SDK1: variants seen among roughly 807,000 people sequenced by gnomAD.
The protein encoded by SDK1 is sidekick cell adhesion molecule 1, also known as protein sidekick-1.
In SDK1, 157 loss-of-function variants were observed where a neutral mutation model predicts 245.5. That is an observed-to-expected ratio of 0.64 (90% confidence interval 0.56 to 0.73). The LOEUF is 0.73. Among genes scored for constraint, SDK1 ranks in the 30% least tolerant of loss-of-function variants. The probability of loss-of-function intolerance (pLI) is 0.00; values close to 1 mark genes in which losing one functional copy is unlikely to be tolerated. For missense variants in SDK1, 3,583 were observed against 3,002.3 expected, an observed-to-expected ratio of 1.19 and a Z score of -4.52; for synonymous variants, 1,647 against 1,278.5, an observed-to-expected ratio of 1.29 and a Z score of -6.15.
chr7:3,377,682 T>C (rs2128565919), intron 1 of SDK1, among the ~76,000 whole-genome samples: 1 of 152,198 alleles, frequency 6.6e-6, no homozygotes, highest in African/African-American at 2.4e-5. Flanking sequence ...CCATGTTGGG[T>C]TCCTTTTTCA....
At chr7:3,431,729 T>G (rs1281853587) in intron 1 of SDK1, among the ~76,000 whole-genome samples, 1 of 152,186 alleles carries the variant, frequency 6.6e-6, no homozygotes, top group Non-Finnish European at 1.5e-5. Context: ...TTGCAATGAC[T>G]AGTTTTGTGA....
chr7:4,264,281 C>G (rs1157889782), intron 44 of SDK1, among the ~76,000 whole-genome samples: 5 of 102,090 alleles, frequency 4.9e-5, no homozygotes, highest in African/African-American at 8.2e-5. Flanking sequence ...CCGCGTAGAC[C>G]TCTCCTGAGT....
At chr7:3,781,843 C>T (rs1780753898) in intron 4 of SDK1, among the ~76,000 whole-genome samples, 1 of 151,812 alleles carries the variant, frequency 6.6e-6, no homozygotes, top group South Asian at 2.1e-4. Flanking sequence ...ATCTGGAAGA[C>T]AGAACATTTG....
rs181452163 is a variant in SDK1, at chr7:3,312,021, G to C, written c.298+10137G>C. Among the ~76,000 whole-genome samples the C allele has an allele frequency of 3.2e-3, 490 of 152,270 alleles. 1 individual carries two copies. Among genetic ancestry groups the C allele is most frequent in the African/African-American group, 0.011 (460 of 41,542 alleles). ...CAAACCTTGAAGGGCTTTTCCATCTGTGAAAAGAGAACTAGAAAAACTTTG... is the reference window on the plus strand; with the variant it reads ...CAAACCTTGAAGGGCTTTTCCATCTCTGAAAAGAGAACTAGAAAAACTTTG... On this transcript the variant is annotated intron_variant, in intron 1 of 44. Transcript: ENST00000404826.
chr7:3,803,986 G>A lies in SDK1; in HGVS notation c.714-17464G>A, dbSNP rs369399593. On this transcript the variant is annotated intron_variant, in intron 4 of 44. Transcript: ENST00000404826. ...TCACCATGTTAGCCAGGATGGTCTC[G>A]ATCTCCTGACCTCGTGATCCACCTG... is the stretch of plus-strand genomic sequence containing the variant. Among the ~76,000 whole-genome samples, 196 of 148,460 alleles carry A rather than the reference G, an allele frequency of 1.3e-3. 2 individuals carry two copies. The highest frequency in any genetic ancestry group is 4.1e-3 in the African/African-American group (166 of 40,680).
chr7:3,592,704 C>T (rs778609136), intron 1 of SDK1, among the ~76,000 whole-genome samples: 10 of 152,126 alleles, frequency 6.6e-5, no homozygotes, highest in South Asian at 2.1e-4. Context: ...TGGGGACTCG[C>T]GCTGTGGGAA....
intron 1 of SDK1, among the ~76,000 whole-genome samples, chr7:3,513,086 A>C (rs1782632438): frequency 6.6e-6 from 1 of 152,172 alleles, no homozygotes. Context: ...CTTTAAACAT[A>C]TTATGAGATT....
intron 34 of SDK1, 75 bp from the exon 35 acceptor site, chr7:4,178,410 G>T: frequency 9.1e-7 from 1 of 1,102,108 alleles, no homozygotes; most frequent in Non-Finnish European, 1.4e-6. Context: ...CTTCATTGTG[G>T]TTCATAGGGG....
Position 4,149,300 on chromosome 7 carries a change from G to A in SDK1, c.4462G>A (p.Ala1488Thr). Residue 1488 changes from alanine to threonine, a missense_variant, in exon 30 of 45, where the codon GCA (alanine) becomes ACA (threonine). Physicochemically the swap from Ala to Thr is moderately conservative, Grantham distance 58. Transcript: ENST00000404826. ...CCCCAGAGAGCTCCTGGTGCCCCAGGCAGAAGTGACCGCACGCAGCCTCCG... is the reference window on the plus strand; with the variant it reads ...CCCCAGAGAGCTCCTGGTGCCCCAGACAGAAGTGACCGCACGCAGCCTCCG... Reference protein sequence around the residue: ...APPRELLVPQAEVTARSLRLQ... With the variant: ...APPRELLVPQTEVTARSLRLQ... 3.8e-6 allele frequency: 6 copies of A among 1,579,136 alleles called. No homozygotes were observed. Among genetic ancestry groups the A allele is most frequent in the South Asian group, 1.2e-5 (1 of 86,226 alleles).
At chr7:3,701,010 A>T (rs1583320699) in intron 4 of SDK1, among the ~76,000 whole-genome samples, 1 of 152,268 alleles carries the variant, frequency 6.6e-6, no homozygotes, top group African/African-American at 2.4e-5. Flanking sequence ...CGTGAGCCCC[A>T]TAGGGCTGGG....
At chr7:4,219,138 C>T (rs1784998734) in intron 38 of SDK1, among the ~76,000 whole-genome samples, 1 of 152,176 alleles carries the variant, frequency 6.6e-6, no homozygotes. Context: ...GGCATCAATA[C>T]TTGCAGTGAA....
At chr7:4,090,012 C>G (rs1273503004) in intron 22 of SDK1, among the ~76,000 whole-genome samples, 1 of 152,188 alleles carries the variant, frequency 6.6e-6, no homozygotes, top group Non-Finnish European at 1.5e-5. Flanking sequence ...TTGGATTTAT[C>G]CCAGTGTCTT....
At chr7:4,245,964 C>T (rs1194953836) in intron 44 of SDK1, among the ~76,000 whole-genome samples, 159 bp downstream of exon 44, 3 of 152,150 alleles carry the variant, frequency 2.0e-5, no homozygotes, top group Non-Finnish European at 2.9e-5. Flanking sequence ...AGAAAAGAGC[C>T]GAAATTCAAC....
chr7:3,645,536 A>G (rs1419644591), intron 4 of SDK1, among the ~76,000 whole-genome samples: 1 of 152,228 alleles, frequency 6.6e-6, no homozygotes, highest in Non-Finnish European at 1.5e-5. Flanking sequence ...TGATCTTTAC[A>G]AATTATATGA....
chr7:3,999,965 G>A (rs1018770153), intron 14 of SDK1, among the ~76,000 whole-genome samples: 2 of 152,182 alleles, frequency 1.3e-5, no homozygotes, highest in African/African-American at 2.4e-5. Flanking sequence ...AAAGCTGGGA[G>A]CTAGGCAAGG....
chr7:3,740,934 T>C (rs182815618), intron 4 of SDK1, among the ~76,000 whole-genome samples: 2 of 152,350 alleles, frequency 1.3e-5, no homozygotes, highest in Admixed American at 6.5e-5. Flanking sequence ...ATAGCAACCA[T>C]AGAAACATTC....
intron 40 of SDK1, among the ~76,000 whole-genome samples, chr7:4,225,035 ACTACAGAAGG>A (rs1215829611): frequency 6.7e-6 from 1 of 148,318 alleles, no homozygotes; most frequent in East Asian, 2.0e-4. Context: ...GCACTAGAAA[ACTACAGAAGG>A]GCCTGGCTAC....
chr7:3,879,853 G>C (rs1781163756), intron 5 of SDK1, among the ~76,000 whole-genome samples: 2 of 152,144 alleles, frequency 1.3e-5, no homozygotes, highest in Non-Finnish European at 1.5e-5. Flanking sequence ...CCTTTGCGCG[G>C]CTGTCACAGC....
At chr7:4,006,223 C>G (rs969685365) in intron 14 of SDK1, among the ~76,000 whole-genome samples, 2 of 152,150 alleles carry the variant, frequency 1.3e-5, no homozygotes, top group Non-Finnish European at 2.9e-5. Flanking sequence ...ACAGCTAAAG[C>G]GGGGTTGTGA....
Sources: allele counts gnomAD v4.1 joint callset (sites outside exome capture counted in the v4.1 genomes callset), GRCh38; gene constraint gnomAD v4.1.1; transcripts MANE v1.5; gene names NCBI Gene and HGNC (gene_info 2026-07-23, HGNC 2026-07-21).